The following KCNH1 variants were observed in gnomAD, a reference collection of about 807,000 sequenced individuals.
KCNH1 encodes the protein potassium voltage-gated channel subfamily H member 1.
A neutral mutation model predicts 69.2 loss-of-function variants in KCNH1; 27 were observed. The observed-to-expected ratio is 0.39, with a 90% confidence interval of 0.29 to 0.54. The LOEUF (loss-of-function observed/expected upper bound fraction) is 0.54, where lower values mean the gene tolerates loss of function less well. Among genes scored for constraint, KCNH1 ranks in the 20% least tolerant of loss-of-function variants. The probability of loss-of-function intolerance (pLI) is 0.68; values close to 1 mark genes in which losing one functional copy is unlikely to be tolerated. For missense variants in KCNH1, 798 were observed against 1,261.6 expected (o/e 0.63, Z 5.57); for synonymous variants, 456 against 487.7 (o/e 0.93, Z 0.86).
At chr1:210,765,687 A>G (rs929808928) in intron 10 of KCNH1, among the ~76,000 whole-genome samples, 1 of 152,176 alleles carries the variant, frequency 6.6e-6, no homozygotes, top group South Asian at 2.1e-4. Context: ...AGGGGCTATG[A>G]AATATATAGG....
chr1:210,999,701 G>C (rs1003941228), intron 6 of KCNH1, among the ~76,000 whole-genome samples: 1 of 152,126 alleles, frequency 6.6e-6, no homozygotes, highest in Non-Finnish European at 1.5e-5. Flanking sequence ...GCCTGGCAGA[G>C]ACACAGCAAC....
At chr1:210,908,799 G>A (rs1687167626) in intron 7 of KCNH1, among the ~76,000 whole-genome samples, 1 of 152,118 alleles carries the variant, frequency 6.6e-6, no homozygotes, top group South Asian at 2.1e-4. Context: ...GCCCAGACCA[G>A]TTCTGTTTCC....
At chr1:211,130,815 C>T (rs1382890671) in intron 1 of KCNH1, among the ~76,000 whole-genome samples, 2 of 152,096 alleles carry the variant, frequency 1.3e-5, no homozygotes, top group Admixed American at 6.5e-5. Context: ...GTTAAGTGCC[C>T]ATTATCCCCG....
intron 10 of KCNH1, among the ~76,000 whole-genome samples, chr1:210,710,443 G>A (rs1329515080): frequency 1.3e-5 from 2 of 152,004 alleles, no homozygotes; most frequent in Non-Finnish European, 2.9e-5. Flanking sequence ...AGAGATATAC[G>A]AAGAGATGTG....
intron 6 of KCNH1, among the ~76,000 whole-genome samples, chr1:210,969,021 T>C (rs1054981179): frequency 3.3e-5 from 5 of 152,144 alleles, no homozygotes; most frequent in African/African-American, 1.2e-4. Flanking sequence ...TCTGCATCTT[T>C]AATTATACGG....
chr1:210,859,437 A>G, intron 7 of KCNH1: 1 of 1,608,708 alleles, frequency 6.2e-7, no homozygotes. Context: ...GGTTATCTTC[A>G]TCATCAATGA....
intron 10 of KCNH1, among the ~76,000 whole-genome samples, chr1:210,758,928 A>G (rs1451837205): frequency 1.3e-5 from 2 of 152,164 alleles, no homozygotes; most frequent in African/African-American, 4.8e-5. Flanking sequence ...ACTGGACTGC[A>G]GCCTGAATTA....
rs113340876 is a variant in KCNH1, at chr1:210,734,110, A to T, written c.2112+41238T>A. On this transcript the variant is annotated intron_variant, in intron 10 of 10. Coordinates refer to ENST00000271751, the MANE Select transcript of KCNH1 (RefSeq NM_172362.3). ...GAAATCTTGCAATACAGAATCATAG[A>T]CTTCAAAACTTAAAATTGACATATC... is the stretch of plus-strand genomic sequence containing the variant. Among the ~76,000 whole-genome samples the T allele has an allele frequency of 2.6e-3, 392 of 152,306 alleles. 2 individuals carry two copies. Among genetic ancestry groups the T allele is most frequent in the African/African-American group, 9.1e-3 (380 of 41,566 alleles).
At chr1:211,024,814 A>G (rs1476739722) in intron 5 of KCNH1, among the ~76,000 whole-genome samples, 1 of 152,060 alleles carries the variant, frequency 6.6e-6, no homozygotes, top group Admixed American at 6.6e-5. Flanking sequence ...AAAAGAAAAA[A>G]AAAACAGCAA....
At chr1:210,887,439 C>T (rs554574440) in intron 7 of KCNH1, among the ~76,000 whole-genome samples, 26 of 152,222 alleles carry the variant, frequency 1.7e-4, no homozygotes, top group Middle Eastern at 3.4e-3. Context: ...CACTGCAAAA[C>T]ATACTAAATT....
At chr1:210,801,662 C>T (rs1270927491) in intron 8 of KCNH1, among the ~76,000 whole-genome samples, 3 of 152,216 alleles carry the variant, frequency 2.0e-5, no homozygotes, top group African/African-American at 7.2e-5. Context: ...GACAACCAGA[C>T]TTACAAAGGC....
chr1:210,944,855 T>C (rs901610261), intron 6 of KCNH1, among the ~76,000 whole-genome samples: 7 of 152,198 alleles, frequency 4.6e-5, no homozygotes, highest in Admixed American at 1.3e-4. Flanking sequence ...CCACTATTCA[T>C]CTCCAGAAAT....
chr1:211,081,412 A>T (rs1295789039), intron 5 of KCNH1, among the ~76,000 whole-genome samples: 1 of 152,246 alleles, frequency 6.6e-6, no homozygotes, highest in Admixed American at 6.5e-5. Context: ...CAGTGTGGTG[A>T]TTCCTCAAGG....
intron 3 of KCNH1, among the ~76,000 whole-genome samples, chr1:211,094,426 A>C (rs1227175431): frequency 6.6e-6 from 1 of 152,120 alleles, no homozygotes; most frequent in Non-Finnish European, 1.5e-5. Context: ...TGATTCCTTT[A>C]TCTCTCTCGA....
At chr1:210,854,667 G>A (rs965535956) in intron 7 of KCNH1, among the ~76,000 whole-genome samples, 2 of 152,230 alleles carry the variant, frequency 1.3e-5, no homozygotes, top group Non-Finnish European at 2.9e-5. Flanking sequence ...GGGCATTGTG[G>A]CCATGGTTAC....
intron 5 of KCNH1, among the ~76,000 whole-genome samples, chr1:211,035,786 C>T (rs1489367196): frequency 2.0e-5 from 3 of 152,146 alleles, no homozygotes; most frequent in Admixed American, 6.5e-5. Flanking sequence ...GAGAAATTCC[C>T]TGACCAAAAG....
chr1:210,912,880 G>T (rs1252481288), intron 7 of KCNH1, among the ~76,000 whole-genome samples: 1 of 152,174 alleles, frequency 6.6e-6, no homozygotes, highest in East Asian at 1.9e-4. Context: ...CCCACCCTCA[G>T]GAAGCTTAGA....
At chr1:210,749,219 A>G (rs527805856) in intron 10 of KCNH1, among the ~76,000 whole-genome samples, 55 of 152,306 alleles carry the variant, frequency 3.6e-4, no homozygotes, top group African/African-American at 1.3e-3. Flanking sequence ...TGGATGGGAA[A>G]GCTACCTCAG....
intron 7 of KCNH1, among the ~76,000 whole-genome samples, chr1:210,905,418 C>T (rs751154785): frequency 9.9e-5 from 15 of 152,242 alleles, no homozygotes; most frequent in Admixed American, 6.5e-4. Context: ...CTGGTACTGT[C>T]AAGTACCAGG....
Sources: allele counts gnomAD v4.1 joint callset (sites outside exome capture counted in the v4.1 genomes callset), GRCh38; gene constraint gnomAD v4.1.1; transcripts MANE v1.5; gene names NCBI Gene and HGNC (gene_info 2026-07-23, HGNC 2026-07-21).